Variants in ESR2 observed in about 807,000 individuals in gnomAD.
The protein encoded by ESR2 is estrogen receptor beta.
Under a neutral mutation model 49.6 loss-of-function variants are expected in ESR2, and 36 were observed. That is an observed-to-expected ratio of 0.73 (90% CI 0.56 to 0.96). The LOEUF is 0.96. Among genes scored for constraint, ESR2 ranks in the 40% least tolerant of loss-of-function variants. The pLI, the probability that ESR2 is intolerant of heterozygous loss-of-function variation, is 0.00. For synonymous variants in ESR2, 320 were observed against 266.1 expected (o/e 1.20, Z -1.97); for missense variants, 714 against 693.0 (o/e 1.03, Z -0.34).
At position 64,282,980 on chromosome 14, in the gene ESR2, A is replaced by T; in HGVS notation, c.6T>A (p.Asp2Glu). The stretch of plus-strand genomic sequence containing the variant: ...TAAGGCTAGATGGTGAGTTTTTTAT[A>T]TCCATGTCTTGAGATAACAGCTGAG... Reference protein sequence around the residue: MDIKNSPSSLNS... With the variant: MEIKNSPSSLNS... Residue 2 changes from aspartate (D) to glutamate (E), a missense_variant, in exon 2 of 9, where the codon GAT becomes GAA. Asp to Glu is a conservative substitution (Grantham distance 45, BLOSUM62 2). Coordinates refer to ENST00000341099, the MANE Select transcript of ESR2 (RefSeq NM_001437.3). 6.2e-7 allele frequency: 1 copy of T among 1,611,162 alleles called. No individual in the cohort carries two copies. Among genetic ancestry groups the T allele is most frequent in the Non-Finnish European group, 8.5e-7 (1 of 1,178,096 alleles).
rs146991049 is a variant in ESR2, at chr14:64,290,372, A to G, written c.-91+3661T>C. ...AGGCATGAACCACCACACCTGGCCA[A>G]TTATTATCTTTAAATGTATTCTTAT... On this transcript the variant is annotated intron_variant, in intron 1 of 8. Coordinates refer to ENST00000341099, the MANE Select transcript of ESR2 (RefSeq NM_001437.3). 3.4e-3 allele frequency among the ~76,000 whole-genome samples: 515 copies of G among 150,866 alleles called. 1 individual carries two copies. The highest frequency in any genetic ancestry group is 0.012 in the African/African-American group (483 of 40,968).
At chr14:64,228,193 T>C (rs1313397695), downstream of ESR2, 2 of 572,834 alleles carry the variant, frequency 3.5e-6, no homozygotes, top group Non-Finnish European at 2.7e-6. Context: ...CCAGGAAGAC[T>C]AGCCCTGGTT....
At chr14:64,311,298 C>A (rs1248498164) in intron 1 of ESR2, among the ~76,000 whole-genome samples, 1 of 152,070 alleles carries the variant, frequency 6.6e-6, no homozygotes. Context: ...GTTTCAAAAC[C>A]TACTGTTTGA....
intron 4 of ESR2, among the ~76,000 whole-genome samples, chr14:64,263,407 A>C (rs968927077): frequency 6.6e-6 from 1 of 152,202 alleles, no homozygotes; most frequent in Non-Finnish European, 1.5e-5. Flanking sequence ...CTGTAATCCC[A>C]GCAATTTGGG....
intron 1 of ESR2, among the ~76,000 whole-genome samples, chr14:64,301,810 C>T (rs114882480): frequency 2.1e-4 from 32 of 152,282 alleles, no homozygotes; most frequent in African/African-American, 6.5e-4. Flanking sequence ...ATTGCTGTAA[C>T]GTGCCTGACA....
In ESR2 at chr14:64,260,637, ACTCGGGGCGCGTGGCCGC is replaced by A. The variant is rs767814784; in HGVS notation, c.746_763del (p.Gly249_Arg254del). 1.9e-6 allele frequency: 3 copies of A among 1,609,560 alleles called. No individual in the cohort carries two copies. The Admixed American group carries it at 5.0e-5, about 27-fold the overall frequency. On this transcript the variant is annotated inframe_deletion, in exon 5 of 9. Transcript: ENST00000341099. ...CAGGGCGTCCAGCAGCAGCTCCCGC[ACTCGGGGCGCGTGGCCGC>A]CACTTCTCTTGGCCTTGCCGGCACA...
chr14:64,237,101 C>T (rs1476216642), intron 7 of ESR2, among the ~76,000 whole-genome samples: 1 of 152,126 alleles, frequency 6.6e-6, no homozygotes, highest in African/African-American at 2.4e-5. Context: ...GCTGGGATTA[C>T]AGGCATGCGC....
intron 1 of ESR2, among the ~76,000 whole-genome samples, chr14:64,288,867 A>G (rs558886273): frequency 1.3e-5 from 2 of 150,466 alleles, no homozygotes; most frequent in East Asian, 2.0e-4. Flanking sequence ...TTGCCTGTAA[A>G]CCCAGCTACT....
chr14:64,235,235 G>T (rs536952896), intron 7 of ESR2, 85 bp from the exon 8 acceptor site: 35 of 1,435,062 alleles, frequency 2.4e-5, no homozygotes, highest in Non-Finnish European at 3.3e-5. Flanking sequence ...CGCCTGCTCC[G>T]AGGTGATCTG....
At chr14:64,267,854 A>G (rs2076362604) in intron 4 of ESR2, among the ~76,000 whole-genome samples, 1 of 150,118 alleles carries the variant, frequency 6.7e-6, no homozygotes, top group South Asian at 2.1e-4. Flanking sequence ...ACTGCACTCC[A>G]GTCTGGGTGA....
At chr14:64,234,549 T>C in intron 8 of ESR2, 1 of 219,244 alleles carries the variant, frequency 4.6e-6, no homozygotes, top group Non-Finnish European at 9.0e-6. Flanking sequence ...TAGGGAAGCA[T>C]TTGTGCACTT....
In ESR2 at chr14:64,233,029, C is replaced by T; in HGVS notation, c.*108G>A. The T allele has an allele frequency of 1.3e-6, 2 of 1,493,886 alleles. No homozygotes were observed. Among genetic ancestry groups the T allele is most frequent in the Non-Finnish European group, 1.8e-6 (2 of 1,121,454 alleles). 92.5% of individuals were successfully genotyped at this position (1,493,886 alleles called of 1,614,324 possible). The stretch of plus-strand genomic sequence containing the variant: ...TGGTACATGACCAAGCCTGCCATCA[C>T]CAAATGAGGGACCACACAGCAGAAA... On this transcript the variant is annotated 3_prime_UTR_variant, in exon 9 of 9. Coordinates refer to ENST00000341099, the MANE Select transcript of ESR2 (RefSeq NM_001437.3).
chr14:64,331,100 G>C (rs1278569412), intron 1 of ESR2, among the ~76,000 whole-genome samples: 2 of 151,944 alleles, frequency 1.3e-5, no homozygotes, highest in Non-Finnish European at 2.9e-5. Context: ...TATAAGACTA[G>C]ATTAAAAAAC....
chr14:64,278,855 A>G (rs766977514), intron 3 of ESR2, among the ~76,000 whole-genome samples: 1 of 152,210 alleles, frequency 6.6e-6, no homozygotes, highest in Non-Finnish European at 1.5e-5. Flanking sequence ...GGCCAAGGGC[A>G]TTACAAAGTT....
At position 64,232,002 on chromosome 14, in the gene ESR2, A is replaced by C. The variant is rs577336628; in HGVS notation, c.*1135T>G. 3 of 152,328 alleles carry C rather than the reference A, an allele frequency of 2.0e-5. No homozygotes were observed. In the South Asian group the frequency reaches 6.2e-4, roughly 32 times the overall value. 9.4% of individuals were successfully genotyped at this position (152,328 alleles called of 1,614,324 possible). A position where few individuals can be genotyped will look rare whatever the true frequency, so the allele number is the denominator to read the frequency against. ...TAAAAGAGCTCTCAAGTGTAAAAGAATTCTTTCTTGCTATAAATAATTATC... is the reference window on the plus strand; with the variant it reads ...TAAAAGAGCTCTCAAGTGTAAAAGACTTCTTTCTTGCTATAAATAATTATC... On this transcript the variant is annotated 3_prime_UTR_variant, in exon 9 of 9. Coordinates refer to ENST00000341099, the MANE Select transcript of ESR2 (RefSeq NM_001437.3).
chr14:64,254,133 T>C (rs2076049583), intron 6 of ESR2, among the ~76,000 whole-genome samples: 1 of 152,200 alleles, frequency 6.6e-6, no homozygotes, highest in African/African-American at 2.4e-5. Context: ...ACAGAAATTA[T>C]AGTTTCAGTA....
intron 2 of ESR2, among the ~76,000 whole-genome samples, chr14:64,281,920 TCA>T (rs2076678714): frequency 6.6e-6 from 1 of 152,262 alleles, no homozygotes; most frequent in African/African-American, 2.4e-5. Context: ...TGTAATACTA[TCA>T]CAGTTACTTT....
rs1037798163 is a variant in ESR2 at position 64,231,406 on chromosome 14, C to T, written c.*1731G>A. On this transcript the variant is annotated 3_prime_UTR_variant, in exon 9 of 9. Transcript: ENST00000341099. ...GTTCCCTGGTTCCTATGAAACCAAG[C>T]TTATCCTGCCTGTACTAAATCTTAC... 4 of 152,176 alleles carry T rather than the reference C, an allele frequency of 2.6e-5. No individual in the cohort carries two copies. The highest frequency in any genetic ancestry group is 5.9e-5 in the Non-Finnish European group (4 of 68,044). 9.4% of individuals were successfully genotyped at this position (152,176 alleles called of 1,614,324 possible). A position where few individuals can be genotyped will look rare whatever the true frequency, so the allele number is the denominator to read the frequency against.
At chr14:64,312,498 G>A (rs183788403) in intron 1 of ESR2, among the ~76,000 whole-genome samples, 11 of 152,240 alleles carry the variant, frequency 7.2e-5, no homozygotes, top group African/African-American at 2.6e-4. Context: ...AAAGAGGAGA[G>A]AAAAGAAAGG....
Sources: gnomAD v4.1 joint callset for allele counts (sites outside exome capture counted in the v4.1 genomes callset) on GRCh38, gnomAD v4.1.1 for gene constraint, MANE v1.5 for transcripts, NCBI Gene and HGNC (gene_info 2026-07-23, HGNC 2026-07-21) for gene names.